The following CTNNA2 variants were observed in gnomAD, a reference collection of about 807,000 sequenced individuals.
CTNNA2 encodes the protein catenin alpha-2.
A neutral mutation model predicts 101.0 loss-of-function variants in CTNNA2; 42 were observed. That is an observed-to-expected ratio of 0.42 (90% confidence interval 0.32 to 0.54). CTNNA2 has a LOEUF of 0.54. CTNNA2 is among the 20% of genes least tolerant of loss of function. CTNNA2 has a pLI of 0.14. For synonymous variants in CTNNA2, 450 were observed against 456.4 expected (o/e 0.99, Z 0.18); for missense variants, 871 against 1,223.1 (o/e 0.71, Z 4.29).
intron 6 of CTNNA2, among the ~76,000 whole-genome samples, chr2:79,906,317 C>G (rs952934824): frequency 6.6e-6 from 1 of 152,086 alleles, no homozygotes; most frequent in African/African-American, 2.4e-5. Context: ...CACACAGACA[C>G]ACACCCACAT....
intron 1 of CTNNA2, among the ~76,000 whole-genome samples, chr2:79,194,148 G>C (rs1383862385): frequency 4.6e-5 from 7 of 152,144 alleles, no homozygotes; most frequent in Non-Finnish European, 1.5e-5. Flanking sequence ...TCAAAAGATA[G>C]CCTGTCATCT....
At chr2:79,360,673 A>G (rs531289358) in intron 3 of CTNNA2, among the ~76,000 whole-genome samples, 1 of 152,334 alleles carries the variant, frequency 6.6e-6, no homozygotes, top group South Asian at 2.1e-4. Context: ...AAGGCCTTTT[A>G]AGGGAAAACA....
At chr2:80,192,065 A>G (rs1706542142) in intron 7 of CTNNA2, among the ~76,000 whole-genome samples, 1 of 152,222 alleles carries the variant, frequency 6.6e-6, no homozygotes, top group Non-Finnish European at 1.5e-5. Flanking sequence ...CATTGAAAAT[A>G]TGGGATTTTT....
intron 2 of CTNNA2, among the ~76,000 whole-genome samples, chr2:79,677,293 T>C (rs1239713424): frequency 6.6e-6 from 1 of 152,106 alleles, no homozygotes; most frequent in East Asian, 1.9e-4. Flanking sequence ...CGGAGTCCTG[T>C]GAGGAGGAGG....
rs892189074 is a variant in CTNNA2, at chr2:79,542,026, G to A, written c.-6+28819G>A. On this transcript the variant is annotated intron_variant, in intron 1 of 18. Transcript: ENST00000402739. ...AATGCTTTCAACTGAGAGCTTTCTG[G>A]CCTTATAATTTCTTTTTTTTTCTCT... Among the ~76,000 whole-genome samples, 3 of 152,008 alleles carry A rather than the reference G, an allele frequency of 2.0e-5. No homozygotes were observed. In the South Asian group the frequency reaches 6.2e-4, roughly 32 times the overall value.
intron 4 of CTNNA2, among the ~76,000 whole-genome samples, chr2:79,468,127 G>A (rs1032187536): frequency 3.9e-5 from 6 of 152,124 alleles, no homozygotes; most frequent in Non-Finnish European, 7.3e-5. Context: ...CTGTATTCAG[G>A]AGACCCATCT....
At chr2:80,588,886 C>T (rs932267051) in intron 14 of CTNNA2, among the ~76,000 whole-genome samples, 7 of 152,224 alleles carry the variant, frequency 4.6e-5, no homozygotes, top group East Asian at 1.9e-4. Flanking sequence ...TCCTTTCCAG[C>T]GACAGAAGGC....
chr2:79,962,786 A>G (rs1034490507), intron 7 of CTNNA2, among the ~76,000 whole-genome samples: 3 of 152,100 alleles, frequency 2.0e-5, no homozygotes, highest in Non-Finnish European at 4.4e-5. Context: ...TGTTACACAA[A>G]ATTGGCCGGG....
intron 7 of CTNNA2, among the ~76,000 whole-genome samples, chr2:80,339,946 G>T (rs556665814): frequency 1.3e-5 from 2 of 152,234 alleles, no homozygotes; most frequent in Non-Finnish European, 2.9e-5. Context: ...TAAGAATGAC[G>T]CCTTTACATT....
At chr2:80,594,276 A>G (rs1696758506) in intron 15 of CTNNA2, among the ~76,000 whole-genome samples, 1 of 152,048 alleles carries the variant, frequency 6.6e-6, no homozygotes, top group South Asian at 2.1e-4. Flanking sequence ...GCTTATTGGC[A>G]TTGTATATCT....
intron 15 of CTNNA2, among the ~76,000 whole-genome samples, chr2:80,596,561 C>G (rs2149755284): frequency 6.6e-6 from 1 of 151,944 alleles, no homozygotes; most frequent in East Asian, 2.0e-4. Flanking sequence ...ATCTGCCCAC[C>G]TTGGCCTCTC....
chr2:80,474,859 T>C (rs920964698), intron 9 of CTNNA2, among the ~76,000 whole-genome samples: 10 of 152,196 alleles, frequency 6.6e-5, no homozygotes, highest in Non-Finnish European at 1.5e-5. Flanking sequence ...TTGAGATTAT[T>C]TGTAGCATTC....
intron 1 of CTNNA2, among the ~76,000 whole-genome samples, chr2:79,639,815 A>G (rs1188105919): frequency 6.6e-6 from 1 of 152,188 alleles, no homozygotes; most frequent in Non-Finnish European, 1.5e-5. Flanking sequence ...TAAAGAGAGA[A>G]TATCGAAGGC....
chr2:80,551,729 T>C (rs1051432272), intron 11 of CTNNA2, among the ~76,000 whole-genome samples: 2 of 152,196 alleles, frequency 1.3e-5, no homozygotes, highest in Non-Finnish European at 2.9e-5. Context: ...GCCGATATGA[T>C]CTTCTATTTA....
At chr2:79,258,540 G>A (rs1275415566) in intron 2 of CTNNA2, among the ~76,000 whole-genome samples, 1 of 152,130 alleles carries the variant, frequency 6.6e-6, no homozygotes. Context: ...GATAAGACTG[G>A]AAATCTCAAT....
chr2:79,503,020 C>T (rs1671337106), intron 4 of CTNNA2, among the ~76,000 whole-genome samples: 1 of 152,170 alleles, frequency 6.6e-6, no homozygotes, highest in Admixed American at 6.5e-5. Context: ...TGTGCAGGCA[C>T]AAGTTTAACA....
intron 7 of CTNNA2, among the ~76,000 whole-genome samples, chr2:80,039,668 C>A (rs905706937): frequency 2.0e-5 from 3 of 152,170 alleles, no homozygotes; most frequent in South Asian, 2.1e-4. Flanking sequence ...AGTCTCCCAA[C>A]CCATCTCTTA....
At chr2:79,439,522 A>G (rs1324426930) in intron 4 of CTNNA2, among the ~76,000 whole-genome samples, 1 of 152,198 alleles carries the variant, frequency 6.6e-6, no homozygotes, top group East Asian at 1.9e-4. Context: ...CTGTAAATAT[A>G]CTAAAAACCA....
At chr2:79,617,523 A>C (rs190327733) in intron 1 of CTNNA2, among the ~76,000 whole-genome samples, 32 of 152,178 alleles carry the variant, frequency 2.1e-4, no homozygotes, top group African/African-American at 7.5e-4. Flanking sequence ...TAGTGATTAC[A>C]TTTTCATTTT....
Sources: allele counts gnomAD v4.1 joint callset (sites outside exome capture counted in the v4.1 genomes callset), GRCh38; gene constraint gnomAD v4.1.1; transcripts MANE v1.5; gene names NCBI Gene and HGNC (gene_info 2026-07-23, HGNC 2026-07-21).